Variants in XKR6 observed in about 807,000 individuals in gnomAD.
XKR6 encodes XK related 6.
XKR6 carries 22 observed loss-of-function variants against 56.7 expected under a neutral mutation model. The ratio of observed to expected loss-of-function variants is 0.39; its 90% CI spans 0.28 to 0.55. XKR6 has a LOEUF of 0.55. Ranked by LOEUF, XKR6 falls within the 20% of genes least tolerant of loss-of-function variation. The probability of loss-of-function intolerance (pLI) is 0.66; values close to 1 mark genes in which losing one functional copy is unlikely to be tolerated. For missense variants in XKR6, 852 were observed against 889.0 expected, an observed-to-expected ratio of 0.96 and a Z score of 0.53; for synonymous variants, 524 against 387.8, an observed-to-expected ratio of 1.35 and a Z score of -4.13.
chr8:10,930,816 T>G (rs756515782), intron 1 of XKR6, among the ~76,000 whole-genome samples: 1 of 152,218 alleles, frequency 6.6e-6, no homozygotes, highest in African/African-American at 2.4e-5. Flanking sequence ...AAACTCCCAG[T>G]TATCTTCCTT....
At chr8:11,107,099 A>G (rs1798707497) in intron 1 of XKR6, among the ~76,000 whole-genome samples, 2 of 152,168 alleles carry the variant, frequency 1.3e-5, no homozygotes, top group Admixed American at 6.5e-5. Flanking sequence ...ACTTATGACA[A>G]AAGGGCTAAA....
At chr8:11,136,610 C>T (rs1258803733) in intron 1 of XKR6, among the ~76,000 whole-genome samples, 4 of 151,950 alleles carry the variant, frequency 2.6e-5, no homozygotes, top group Non-Finnish European at 4.4e-5. Context: ...AAGGATGGAG[C>T]CCTCATGAGT....
chr8:11,129,138 T>C (rs1586586759), intron 1 of XKR6: 1 of 363,418 alleles, frequency 2.8e-6, no homozygotes, highest in Non-Finnish European at 5.4e-6. Flanking sequence ...AATAAAGGAG[T>C]TTCTTTTGGA....
intron 1 of XKR6, among the ~76,000 whole-genome samples, chr8:11,085,031 C>T (rs1797841110): frequency 6.6e-6 from 1 of 152,192 alleles, no homozygotes; most frequent in South Asian, 2.1e-4. Flanking sequence ...CACCCCCCAG[C>T]TCATCCCTCC....
rs1254669132 is a variant in XKR6, at chr8:11,121,281, C to T, written c.764+79295G>A. 2.0e-5 allele frequency among the ~76,000 whole-genome samples: 3 copies of T among 152,046 alleles called. No homozygotes were observed. In the East Asian group the frequency reaches 5.8e-4, roughly 29 times the overall value. Reference sequence around the variant, plus strand: ...CAGAATGGGAGAAAATTTTTGCAACCTCCTCATCTGACAAACGGCTAATAT... The same window carrying T: ...CAGAATGGGAGAAAATTTTTGCAACTTCCTCATCTGACAAACGGCTAATAT... On this transcript the variant is annotated intron_variant, in intron 1 of 2. Transcript: ENST00000416569.
intron 1 of XKR6, among the ~76,000 whole-genome samples, chr8:11,037,763 C>T (rs1799182264): frequency 6.6e-6 from 1 of 151,232 alleles, no homozygotes; most frequent in Non-Finnish European, 1.5e-5. Context: ...GAGGCTAAGG[C>T]AGGAGATTCG....
chr8:10,948,554 G>A (rs576450695), intron 1 of XKR6, among the ~76,000 whole-genome samples: 106 of 152,274 alleles, frequency 7.0e-4, no homozygotes, highest in African/African-American at 2.3e-3. Context: ...GTAGGGCCTG[G>A]TCGGCTGCCC....
intron 2 of XKR6, among the ~76,000 whole-genome samples, chr8:10,912,562 AT>A (rs1800427351): frequency 7.3e-6 from 1 of 137,882 alleles, no homozygotes; most frequent in African/African-American, 2.8e-5. Flanking sequence ...GTGTGTGTGT[AT>A]GTATATATAT....
chr8:11,097,985 G>A (rs528375327), intron 1 of XKR6, among the ~76,000 whole-genome samples: 1 of 152,058 alleles, frequency 6.6e-6, no homozygotes, highest in East Asian at 1.9e-4. Context: ...ATATCAACTG[G>A]TGAGACTGGT....
chr8:11,015,736 G>A (rs1798604409), intron 1 of XKR6, among the ~76,000 whole-genome samples: 1 of 152,090 alleles, frequency 6.6e-6, no homozygotes, highest in South Asian at 2.1e-4. Flanking sequence ...GCGGGCTCGG[G>A]GTAAGACAGG....
At chr8:11,192,610 G>A (rs755811974) in intron 1 of XKR6, among the ~76,000 whole-genome samples, 34 of 152,032 alleles carry the variant, frequency 2.2e-4, no homozygotes, top group Non-Finnish European at 4.3e-4. Context: ...GTGAGAATCT[G>A]TTTCTTTAGA....
intron 1 of XKR6, among the ~76,000 whole-genome samples, chr8:11,170,232 A>G (rs1480756067): frequency 6.6e-6 from 1 of 152,212 alleles, no homozygotes; most frequent in Non-Finnish European, 1.5e-5. Flanking sequence ...ATCCACACAA[A>G]GCCTTGTTAC....
At chr8:10,986,376 T>C (rs949190973) in intron 1 of XKR6, among the ~76,000 whole-genome samples, 1 of 152,192 alleles carries the variant, frequency 6.6e-6, no homozygotes, top group Admixed American at 6.5e-5. Context: ...ACAGCCTTTC[T>C]AAATATAACA....
intron 1 of XKR6, among the ~76,000 whole-genome samples, chr8:11,160,176 T>G (rs77426074): frequency 0.071 from 10,783 of 152,032 alleles, 651 homozygotes; most frequent in African/African-American, 0.16. Flanking sequence ...AATAATCACA[T>G]ATGAAGAAAA....
At chr8:10,952,580 C>G (rs1032585244) in intron 1 of XKR6, among the ~76,000 whole-genome samples, 1 of 152,176 alleles carries the variant, frequency 6.6e-6, no homozygotes, top group Non-Finnish European at 1.5e-5. Context: ...CAGCCTCCCC[C>G]GTACCTGGGA....
intron 1 of XKR6, among the ~76,000 whole-genome samples, chr8:11,091,368 G>C (rs1304633584): frequency 6.6e-6 from 1 of 151,936 alleles, no homozygotes; most frequent in Non-Finnish European, 1.5e-5. Context: ...AGCCTGGGAG[G>C]TGGAGGCTGC....
intron 2 of XKR6, among the ~76,000 whole-genome samples, chr8:10,922,513 A>G (rs1033052279): frequency 2.9e-4 from 44 of 152,190 alleles, no homozygotes; most frequent in African/African-American, 1.1e-3. Context: ...TTTCAAAGAC[A>G]TCCCTATGAT....
intron 2 of XKR6, among the ~76,000 whole-genome samples, chr8:10,914,801 T>A (rs1355251412): frequency 6.6e-6 from 1 of 152,242 alleles, no homozygotes; most frequent in African/African-American, 2.4e-5. Flanking sequence ...GAGGGCTCCC[T>A]GCTGGCCTCC....
intron 1 of XKR6, among the ~76,000 whole-genome samples, chr8:11,098,043 C>T (rs1420662218): frequency 6.6e-6 from 1 of 152,124 alleles, no homozygotes; most frequent in Non-Finnish European, 1.5e-5. Context: ...CCCCAGCATA[C>T]ACTGTTGTGA....
Sources: gnomAD v4.1 joint callset for allele counts (sites outside exome capture counted in the v4.1 genomes callset) on GRCh38, gnomAD v4.1.1 for gene constraint, MANE v1.5 for transcripts, NCBI Gene and HGNC (gene_info 2026-07-23, HGNC 2026-07-21) for gene names.